The following PLA2R1 variants were observed in gnomAD, a reference collection of about 807,000 sequenced individuals.
The protein encoded by PLA2R1 is phospholipase A2 receptor 1.
Under a neutral mutation model 195.9 loss-of-function variants are expected in PLA2R1, and 158 were observed. The observed-to-expected ratio is 0.81, with a 90% CI of 0.71 to 0.92. The LOEUF is 0.92. PLA2R1 is among the 40% of genes least tolerant of loss of function. The pLI, the probability that PLA2R1 is intolerant of heterozygous loss-of-function variation, is 0.00. For missense variants in PLA2R1, 1,626 were observed against 1,764.6 expected, an observed-to-expected ratio of 0.92 and a Z score of 1.41; for synonymous variants, 586 against 598.2, an observed-to-expected ratio of 0.98 and a Z score of 0.30.
chr2:159,971,295 G>A (rs1487023943), intron 17 of PLA2R1, among the ~76,000 whole-genome samples: 1 of 152,110 alleles, frequency 6.6e-6, no homozygotes, highest in East Asian at 1.9e-4. Context: ...ATGTTGTAGT[G>A]TTCAGAATAA....
rs3215193 is a variant in PLA2R1 at position 159,967,891 on chromosome 2, A to AT, written c.2765-214dup. ...GTAATTTTAATTTAAGAATGTAAAAATTTTGCAAATTAAAAAAATCTAAAT... is the reference window on the plus strand; with the variant it reads ...GTAATTTTAATTTAAGAATGTAAAAATTTTTGCAAATTAAAAAAATCTAAAT... On this transcript the variant is annotated intron_variant, in intron 19 of 29. Transcript: ENST00000283243. 9.7e-3 allele frequency among the ~76,000 whole-genome samples: 1,477 copies of AT among 152,294 alleles called. 76 individuals carry two copies. In the East Asian group the frequency reaches 0.15, roughly 16 times the overall value.
Position 159,960,625 on chromosome 2 carries a change from T to TCA in PLA2R1, c.2905-4000_2905-3999dup, listed in dbSNP as rs371846289. On this transcript the variant is annotated intron_variant, in intron 20 of 29. Transcript: ENST00000283243. Reference sequence around the variant, plus strand: ...ATGTAAGTAGAAGCACAAGAGTTAATCACACACACACACTTAGAATTTCTT... The same window carrying TCA: ...ATGTAAGTAGAAGCACAAGAGTTAATCACACACACACACACTTAGAATTTCTT... Among the ~76,000 whole-genome samples the TCA allele has an allele frequency of 5.3e-4, 81 of 152,180 alleles. 5 individuals carry two copies. In the South Asian group the frequency reaches 0.016, roughly 29 times the overall value.
At chr2:159,948,443 C>T (rs891829782) in intron 25 of PLA2R1, among the ~76,000 whole-genome samples, 7 of 150,884 alleles carry the variant, frequency 4.6e-5, no homozygotes, top group Non-Finnish European at 8.8e-5. Context: ...CTGTGTTAAC[C>T]AAGCTGGTCT....
chr2:160,012,394 G>A (rs1387246870), intron 10 of PLA2R1, among the ~76,000 whole-genome samples: 2 of 152,022 alleles, frequency 1.3e-5, no homozygotes, highest in Non-Finnish European at 2.9e-5. Flanking sequence ...TCCCCTACAG[G>A]TATTATGCAT....
rs1559003088 is a variant in PLA2R1 at position 160,045,095 on chromosome 2, C to T, written c.172G>A (p.Val58Ile). The T allele has an allele frequency of 1.9e-6, 3 of 1,613,244 alleles. No homozygotes were observed. In the South Asian group the frequency reaches 3.3e-5, roughly 18 times the overall value. The change falls in exon 2 of 30, where the codon GTT becomes ATT. Residue 58 changes from valine to isoleucine, a missense_variant. Physicochemically the swap from Val to Ile is conservative, Grantham distance 29. Transcript: ENST00000283243. ...TGCTTGCAGTTCTCCAGGGTCAGAA[C>T]CGATTTACCTGCTTGAATGCATTTC... ...LKKCIQAGKS[V>I]LTLENCKQAN... is the part of the protein sequence containing the mutation.
At chr2:159,947,060 A>G (rs1415140911) in intron 26 of PLA2R1, 143 bp from the exon 27 acceptor site, 6 of 611,052 alleles carry the variant, frequency 9.8e-6, no homozygotes, top group Non-Finnish European at 1.7e-5. Context: ...TAAATTAAAA[A>G]AGTAAAACCA....
intron 11 of PLA2R1, among the ~76,000 whole-genome samples, chr2:159,999,087 T>C (rs1309820186): frequency 6.6e-6 from 1 of 152,108 alleles, no homozygotes; most frequent in East Asian, 1.9e-4. Context: ...GTCCTAGTCT[T>C]GTTTTGCTCT....
At chr2:160,054,190 C>T (rs2105687301) in intron 1 of PLA2R1, among the ~76,000 whole-genome samples, 1 of 152,256 alleles carries the variant, frequency 6.6e-6, no homozygotes, top group South Asian at 2.1e-4. Context: ...AATCCCAGCA[C>T]TTTGGGAGGC....
At chr2:160,029,275 T>C (rs551468462) in intron 4 of PLA2R1, among the ~76,000 whole-genome samples, 12 of 152,330 alleles carry the variant, frequency 7.9e-5, no homozygotes, top group African/African-American at 2.6e-4. Context: ...AGTGAGCTCA[T>C]GAACTTAAAG....
chr2:159,948,936 AG>A (rs1357922405), intron 25 of PLA2R1, among the ~76,000 whole-genome samples: 2 of 152,170 alleles, frequency 1.3e-5, no homozygotes, highest in Non-Finnish European at 2.9e-5. Context: ...TGAGACACTT[AG>A]GAAACTATTT....
intron 1 of PLA2R1, among the ~76,000 whole-genome samples, chr2:160,051,164 G>T (rs1374167619): frequency 1.3e-5 from 2 of 152,206 alleles, no homozygotes; most frequent in African/African-American, 4.8e-5. Flanking sequence ...CACCATGAAG[G>T]TGTTCACCTA....
At chr2:160,037,650 C>T (rs1228106300) in intron 3 of PLA2R1, among the ~76,000 whole-genome samples, 1 of 152,078 alleles carries the variant, frequency 6.6e-6, no homozygotes, top group Non-Finnish European at 1.5e-5. Context: ...TCTTTATTGC[C>T]TGCATCCCAT....
In PLA2R1 at chr2:159,934,722, T is replaced by C. The variant is rs910860040; in HGVS notation, c.*7056A>G. 7 of 152,140 alleles carry C rather than the reference T, an allele frequency of 4.6e-5. No individual in the cohort carries two copies. Among genetic ancestry groups the C allele is most frequent in the Non-Finnish European group, 1.0e-4 (7 of 68,018 alleles). The allele number at this position is 152,140 out of a possible 1,614,324, so 9.4% of individuals were successfully genotyped here. A position where few individuals can be genotyped will look rare whatever the true frequency, so the allele number is the denominator to read the frequency against. On this transcript the variant is annotated 3_prime_UTR_variant, in exon 30 of 30. Coordinates refer to ENST00000283243, the MANE Select transcript of PLA2R1 (RefSeq NM_007366.5). ...AAATGATTTTAGGTTTACAGAAAAATTGCCAACTTAGTCCAGAGAGTTCCT... is the reference window on the plus strand; with the variant it reads ...AAATGATTTTAGGTTTACAGAAAAACTGCCAACTTAGTCCAGAGAGTTCCT...
chr2:160,040,252 G>A (rs1214167337), intron 3 of PLA2R1, among the ~76,000 whole-genome samples: 2 of 152,012 alleles, frequency 1.3e-5, no homozygotes, highest in East Asian at 1.9e-4. Context: ...AATAGCCACT[G>A]TTCTGAGCTT....
At chr2:160,060,544 C>T (rs1274568530) in intron 1 of PLA2R1, among the ~76,000 whole-genome samples, 2 of 152,198 alleles carry the variant, frequency 1.3e-5, no homozygotes, top group African/African-American at 4.8e-5. Context: ...TCAGCAGCAG[C>T]ATTTTCATAT....
At position 160,016,696 on chromosome 2, in the gene PLA2R1, A is replaced by G; in HGVS notation, c.1469T>C (p.Val490Ala). 1 of 1,589,408 alleles carries G rather than the reference A, an allele frequency of 6.3e-7. No individual in the cohort carries two copies. The highest frequency in any genetic ancestry group is 1.1e-5 in the South Asian group (1 of 90,552). ...AAAAAGTCTTTCTTCACAATTTTTG[A>G]CTTTCCAGTGTCCCTCCTACGGAGA... ...SAEQSEGHWK[V>A]KNCEERLFYI... Residue 490 changes from valine to alanine, a missense_variant, in exon 9 of 30, where the codon GTC becomes GCC. By Grantham distance (64) the Val-to-Ala change is moderately conservative. Coordinates refer to ENST00000283243, the MANE Select transcript of PLA2R1 (RefSeq NM_007366.5).
intron 11 of PLA2R1, among the ~76,000 whole-genome samples, chr2:159,998,401 C>T (rs1329568394): frequency 6.6e-6 from 1 of 152,084 alleles, no homozygotes; most frequent in African/African-American, 2.4e-5. Context: ...AATAACTTCC[C>T]TGAGATCATA....
chr2:160,015,090 T>A (rs926709464), intron 9 of PLA2R1, among the ~76,000 whole-genome samples: 3 of 152,220 alleles, frequency 2.0e-5, no homozygotes, highest in Non-Finnish European at 4.4e-5. Flanking sequence ...ACTTGTTACT[T>A]CAAGACTTTG....
chr2:159,984,338 A>AC (rs1220990704), intron 12 of PLA2R1, among the ~76,000 whole-genome samples: 1 of 152,144 alleles, frequency 6.6e-6, no homozygotes, highest in Non-Finnish European at 1.5e-5. Flanking sequence ...ATTTTTTTTC[A>AC]CCCTAAATCT....
Sources: gnomAD v4.1 joint callset for allele counts (sites outside exome capture counted in the v4.1 genomes callset) on GRCh38, gnomAD v4.1.1 for gene constraint, MANE v1.5 for transcripts, NCBI Gene and HGNC (gene_info 2026-07-23, HGNC 2026-07-21) for gene names.